ADCY3: variants seen among roughly 807,000 people sequenced by gnomAD.
ADCY3 encodes adenylate cyclase type 3.
Under a neutral mutation model 119.4 loss-of-function variants are expected in ADCY3, and 70 were observed. The observed-to-expected ratio is 0.59, with a 90% CI of 0.48 to 0.72. ADCY3 has a LOEUF of 0.72. Ranked by LOEUF, ADCY3 falls within the 30% of genes least tolerant of loss-of-function variation. The pLI, the probability that ADCY3 is intolerant of heterozygous loss-of-function variation, is 0.00. For missense variants in ADCY3, 1,238 were observed against 1,541.6 expected, an observed-to-expected ratio of 0.80 and a Z score of 3.30; for synonymous variants, 672 against 621.4, an observed-to-expected ratio of 1.08 and a Z score of -1.21.
At chr2:24,897,895 C>T (rs1678468417) in intron 2 of ADCY3, among the ~76,000 whole-genome samples, 1 of 152,170 alleles carries the variant, frequency 6.6e-6, no homozygotes, top group Non-Finnish European at 1.5e-5. Context: ...CTGCTGCTCA[C>T]AGCCATCACC....
In ADCY3 at chr2:24,826,228, C is replaced by G. The variant is rs1668597606; in HGVS notation, c.2496-102G>C. 13 of 1,036,980 alleles carry G rather than the reference C, an allele frequency of 1.3e-5. No individual in the cohort carries two copies. In the South Asian group the frequency reaches 1.6e-4, roughly 12 times the overall value. 64.2% of individuals were successfully genotyped at this position (1,036,980 alleles called of 1,614,324 possible). Reference sequence around the variant, plus strand: ...GGTGCTGCTTCCTGCCACCCCAGCCCTAGAGCTCACCCCGGCTCCTTAGGC... The same window carrying G: ...GGTGCTGCTTCCTGCCACCCCAGCCGTAGAGCTCACCCCGGCTCCTTAGGC... On this transcript the variant is annotated intron_variant, in intron 15 of 21. Transcript: ENST00000679454.
At chr2:24,891,304 T>C (rs1208425927) in intron 2 of ADCY3, among the ~76,000 whole-genome samples, 3 of 152,246 alleles carry the variant, frequency 2.0e-5, no homozygotes, top group South Asian at 4.1e-4. Flanking sequence ...TCATAAGTTT[T>C]AAATTGAGTA....
rs1048673630 is a variant in ADCY3, at chr2:24,841,720, G to A, written c.957-53C>T. On this transcript the variant is annotated intron_variant, in intron 4 of 21. Transcript: ENST00000679454. The surrounding 1 kb of genome is among the most constrained non-coding windows in gnomAD (Gnocchi z 5.8). ...ACGCTCCAGGCAGCCAGGTGTACCC[G>A]ACCCCACTGCCAGCTCCCTCTCCAA... 37 of 1,403,188 alleles carry A rather than the reference G, an allele frequency of 2.6e-5. No individual in the cohort carries two copies. The highest frequency in any genetic ancestry group is 3.3e-5 in the Non-Finnish European group (33 of 997,764). The allele number at this position is 1,403,188 out of a possible 1,614,324, so 86.9% of individuals were successfully genotyped here.
chr2:24,902,627 CCT>C (rs1679039717), intron 2 of ADCY3, among the ~76,000 whole-genome samples: 2 of 152,200 alleles, frequency 1.3e-5, no homozygotes, highest in South Asian at 2.1e-4. Context: ...CTCGGCAACC[CCT>C]GAGACAGCAA....
At chr2:24,847,936 C>T (rs368989088) in intron 3 of ADCY3, among the ~76,000 whole-genome samples, 14 of 152,262 alleles carry the variant, frequency 9.2e-5, no homozygotes, top group African/African-American at 3.1e-4. Context: ...GATCCCAGCC[C>T]GCACTGGAGT....
At chr2:24,901,229 C>T (rs1447145371) in intron 2 of ADCY3, among the ~76,000 whole-genome samples, 1 of 152,220 alleles carries the variant, frequency 6.6e-6, no homozygotes, top group Non-Finnish European at 1.5e-5. Flanking sequence ...ACTGACGTTA[C>T]ACGTGCCGCA....
At position 24,821,645 on chromosome 2, in the gene ADCY3, G is replaced by T; in HGVS notation, c.3004-5C>A. On this transcript the variant is annotated splice_polypyrimidine_tract_variant and splice_region_variant and intron_variant, in intron 19 of 21. Coordinates refer to ENST00000679454, the MANE Select transcript of ADCY3 (RefSeq NM_004036.5). ...CTCTCTCTCGGACTTGTCTTCCTGT[G>T]CCAGGGGACCGTGGAGAAAGTGTCA... The T allele has an allele frequency of 6.2e-7, 1 of 1,613,788 alleles. No individual in the cohort carries two copies. The highest frequency in any genetic ancestry group is 8.5e-7 in the Non-Finnish European group (1 of 1,179,894).
At position 24,828,009 on chromosome 2, in the gene ADCY3, C is replaced by T; in HGVS notation, c.2325G>A (p.Val775=). The change falls in exon 14 of 22, where the codon GTG becomes GTA. Residue 775 remains valine (V), a synonymous_variant. Transcript: ENST00000679454. ...CGACGAGCAGCATGAGCGTGAGCTT[C>T]ACCATGTGGCTGACCTGCACCAGCA... ...TIMLVQVSHM[V]KLTLMLLVAG... is the part of the protein sequence containing the mutation. 1 of 1,614,258 alleles carries T rather than the reference C, an allele frequency of 6.2e-7. No individual in the cohort carries two copies. Among genetic ancestry groups the T allele is most frequent in the South Asian group, 1.1e-5 (1 of 91,084 alleles).
At position 24,899,092 on chromosome 2, in the gene ADCY3, C is replaced by T. The variant is rs77543888; in HGVS notation, c.675+19221G>A. Among the ~76,000 whole-genome samples, 3,506 of 152,210 alleles carry T rather than the reference C, an allele frequency of 0.023. 56 individuals carry two copies. Among genetic ancestry groups the T allele is most frequent in the Non-Finnish European group, 0.034 (2,286 of 67,990 alleles). ...CCCTACCCCTCCCACCTTTTCCCAG[C>T]TCACCTGTCTCTACCTCTGCTCCCT... On this transcript the variant is annotated intron_variant, in intron 2 of 21. Coordinates refer to ENST00000679454, the MANE Select transcript of ADCY3 (RefSeq NM_004036.5). This position sits in a 1 kb window ranked among gnomAD's most constrained non-coding sequence, Gnocchi z 4.5.
intron 2 of ADCY3, among the ~76,000 whole-genome samples, chr2:24,913,654 C>G (rs1465690881): frequency 1.3e-5 from 2 of 152,206 alleles, no homozygotes; most frequent in African/African-American, 4.8e-5. Flanking sequence ...TACCTGCCGT[C>G]TGCAGACAGG....
chr2:24,828,292 G>A (rs1668913790), intron 13 of ADCY3, 131 bp from the exon 14 acceptor site: 2 of 1,124,070 alleles, frequency 1.8e-6, no homozygotes, highest in Non-Finnish European at 1.2e-6. Context: ...CGGGAAAGAT[G>A]GGGAAATTTA....
intron 2 of ADCY3, among the ~76,000 whole-genome samples, chr2:24,884,030 C>T (rs1676717760): frequency 6.6e-6 from 1 of 152,130 alleles, no homozygotes; most frequent in African/African-American, 2.4e-5. Flanking sequence ...CTTTTTTCTC[C>T]CCTTTAGTCC....
intron 2 of ADCY3, among the ~76,000 whole-genome samples, chr2:24,884,990 C>T (rs1359792020): frequency 6.6e-6 from 1 of 152,220 alleles, no homozygotes; most frequent in Non-Finnish European, 1.5e-5. Flanking sequence ...TTCCAATTTT[C>T]CTTCTTCTTG....
chr2:24,822,536 G>C lies in ADCY3; in HGVS notation c.2978C>G (p.Thr993Ser). The change falls in exon 19 of 22, where the codon ACC becomes AGC. Residue 993 changes from threonine (T) to serine (S), a missense_variant. Thr to Ser is a moderately conservative substitution (Grantham distance 58). This residue lies in a region of ADCY3 where 63 missense variants were observed against 62.8 expected (regional missense o/e 1.00). Transcript: ENST00000679454. ...CTTGTTGGAGCTGGCAAAGCCATTG[G>C]TGTTGACATCGGGGGTGACTCCTGA... ...AASGVTPDVN[T>S]NGFASSNKED... 3 of 1,614,054 alleles carry C rather than the reference G, an allele frequency of 1.9e-6. No individual in the cohort carries two copies. Among genetic ancestry groups the C allele is most frequent in the Non-Finnish European group, 2.5e-6 (3 of 1,179,968 alleles).
At chr2:24,902,979 C>T (rs1679074868) in intron 2 of ADCY3, among the ~76,000 whole-genome samples, 1 of 151,910 alleles carries the variant, frequency 6.6e-6, no homozygotes, top group South Asian at 2.1e-4. Flanking sequence ...TGCAGTGAGC[C>T]GTGATCACAC....
chr2:24,906,948 T>C (rs1324973553), intron 2 of ADCY3, among the ~76,000 whole-genome samples: 1 of 152,126 alleles, frequency 6.6e-6, no homozygotes, highest in African/African-American at 2.4e-5. Context: ...CTGGCCATCA[T>C]GGTGAAACCC....
In ADCY3 at chr2:24,831,755, AC is replaced by A; in HGVS notation, c.1968-7del. ...TCACATAGTTTGTCATTAGCCTGTG[AC>A]AGAGAGAAGACAATTGGGAGAGGCC... On this transcript the variant is annotated splice_polypyrimidine_tract_variant and splice_region_variant and intron_variant, in intron 11 of 21. Coordinates refer to ENST00000679454, the MANE Select transcript of ADCY3 (RefSeq NM_004036.5). 6.2e-7 allele frequency: 1 copy of A among 1,607,928 alleles called. No homozygotes were observed. Among genetic ancestry groups the A allele is most frequent in the Non-Finnish European group, 8.5e-7 (1 of 1,176,264 alleles).
At chr2:24,887,248 C>T (rs1437666371) in intron 2 of ADCY3, among the ~76,000 whole-genome samples, 11 of 152,160 alleles carry the variant, frequency 7.2e-5, no homozygotes, top group Admixed American at 5.2e-4. Flanking sequence ...CTCACTATCA[C>T]GAGAACAGCA....
intron 9 of ADCY3, among the ~76,000 whole-genome samples, chr2:24,835,933 CAAAA>C (rs66514871): frequency 3.9e-5 from 5 of 129,718 alleles, no homozygotes; most frequent in Admixed American, 7.6e-5. Context: ...GACTCCATCT[CAAAA>C]AAAAAAAAAA....
Sources: allele counts gnomAD v4.1 joint callset (sites outside exome capture counted in the v4.1 genomes callset), GRCh38; gene constraint gnomAD v4.1.1; regional missense constraint gnomAD v4.1.1; non-coding constraint Gnocchi (gnomAD v3.1); transcripts MANE v1.5; gene names NCBI Gene and HGNC (gene_info 2026-07-23, HGNC 2026-07-21).